MUTYH: variants seen among roughly 807,000 people sequenced by gnomAD.
MUTYH encodes the protein adenine DNA glycosylase.
Under a neutral mutation model 72.9 loss-of-function variants are expected in MUTYH, and 64 were observed. That is an observed-to-expected ratio of 0.88 (90% CI 0.72 to 1.08). The LOEUF (loss-of-function observed/expected upper bound fraction) is 1.08, where lower values mean the gene tolerates loss of function less well. MUTYH is among the 50% of genes least tolerant of loss of function. MUTYH has a pLI of 0.00. For missense variants in MUTYH, 633 were observed against 671.0 expected (o/e 0.94, Z 0.63); for synonymous variants, 234 against 263.1 (o/e 0.89, Z 1.07).
In MUTYH at chr1:45,331,328, G is replaced by A. The variant is rs1475410456; in HGVS notation, c.1246C>T (p.His416Tyr). Residue 416 changes from histidine to tyrosine, a missense_variant, in exon 14 of 16, where the codon CAC becomes TAC. By Grantham distance (83) the His-to-Tyr change is moderately conservative. Coordinates refer to ENST00000456914, the MANE Select transcript of MUTYH (RefSeq NM_001048174.2). ...GTCAGCTTGATGTGAGAGAAGGTGTGGACAACCTGGAGGAAGGGTCAAGGG... is the reference window on the plus strand; with the variant it reads ...GTCAGCTTGATGTGAGAGAAGGTGTAGACAACCTGGAGGAAGGGTCAAGGG... Reference protein sequence around the residue: ...THLRHLGEVVHTFSHIKLTYQ... With the variant: ...THLRHLGEVVYTFSHIKLTYQ... 3 of 1,614,064 alleles carry A rather than the reference G, an allele frequency of 1.9e-6. No individual in the cohort carries two copies. Among genetic ancestry groups the A allele is most frequent in the Non-Finnish European group, 2.5e-6 (3 of 1,180,038 alleles).
chr1:45,339,275 T>C (rs1039303868), intron 1 of MUTYH, among the ~76,000 whole-genome samples: 4 of 146,684 alleles, frequency 2.7e-5, no homozygotes, highest in Non-Finnish European at 4.5e-5. Flanking sequence ...CAAAATGGCG[T>C]GATCTCGGCT....
chr1:45,332,201 A>C lies in MUTYH; in HGVS notation c.814T>G (p.Cys272Gly). 2 of 1,614,172 alleles carry C rather than the reference A, an allele frequency of 1.2e-6. No homozygotes were observed. Among genetic ancestry groups the C allele is most frequent in the Non-Finnish European group, 1.7e-6 (2 of 1,180,016 alleles). ...CTPQRPLCSQ[C>G]PVESLCRARQ... ...GCCCGGCACAGGCTCTCCACAGGGC[A>C]CTGGCTGCACAGTGGGCGCTGTGGG... Residue 272 changes from cysteine to glycine, a missense_variant, in exon 10 of 16, where the codon TGC becomes GGC. By Grantham distance (159) the Cys-to-Gly change is radical. Transcript: ENST00000456914.
At chr1:45,334,088 C>G (rs1176262974) in intron 2 of MUTYH, 1 of 405,818 alleles carries the variant, frequency 2.5e-6, no homozygotes, top group African/African-American at 2.0e-5. Flanking sequence ...CTCAGTGCAA[C>G]TTCTGCCTTC....
Position 45,333,395 on chromosome 1 carries a change from T to C in MUTYH, c.264+18A>G. The C allele has an allele frequency of 6.2e-7, 1 of 1,614,176 alleles. No individual in the cohort carries two copies. Among genetic ancestry groups the C allele is most frequent in the Middle Eastern group, 1.6e-4 (1 of 6,062 alleles). On this transcript the variant is annotated intron_variant, in intron 3 of 15. Transcript: ENST00000456914. Reference sequence around the variant, plus strand: ...GTGCCTGCCTCCCACCCACTGTCCCTGCTCCTCGCCTGCCTACCCGTCTTC... The same window carrying C: ...GTGCCTGCCTCCCACCCACTGTCCCCGCTCCTCGCCTGCCTACCCGTCTTC...
chr1:45,338,259 A>C, intron 1 of MUTYH: 1 of 533,252 alleles, frequency 1.9e-6, no homozygotes, highest in Non-Finnish European at 3.6e-6. Flanking sequence ...ACAGCCTTGC[A>C]GGTCCAGTGA....
intron 2 of MUTYH, 21 bp downstream of exon 2, chr1:45,334,370 G>A: frequency 6.2e-7 from 1 of 1,613,646 alleles, no homozygotes; most frequent in Non-Finnish European, 8.5e-7. Context: ...ATGAGCCTTG[G>A]GCCACAACCT....
At chr1:45,333,262 C>G in intron 4 of MUTYH, 23 bp downstream of exon 4, 1 of 1,614,218 alleles carries the variant, frequency 6.2e-7, no homozygotes, top group Non-Finnish European at 8.5e-7. Context: ...CAAAGTGGCC[C>G]TGCTCTCAGG....
At chr1:45,339,835 G>A (rs1646687954) in intron 1 of MUTYH, 64 bp downstream of exon 1, 2 of 1,325,684 alleles carry the variant, frequency 1.5e-6, no homozygotes, top group Admixed American at 2.3e-5. Context: ...CGTGCTTTAA[G>A]CTCAGCTCAG....
upstream of MUTYH, chr1:45,340,269 A>G (rs562733690): frequency 1.2e-6 from 2 of 1,613,788 alleles, no homozygotes; most frequent in South Asian, 2.2e-5. Context: ...GCCGACAGTG[A>G]CGATGGCGCA....
At chr1:45,338,256 T>G (rs959042890) in intron 1 of MUTYH, 2 of 533,132 alleles carry the variant, frequency 3.8e-6, no homozygotes, top group African/African-American at 3.7e-5. Flanking sequence ...ACTACAGCCT[T>G]GCAGGTCCAG....
chr1:45,339,429 G>C (rs1646566353), intron 1 of MUTYH, among the ~76,000 whole-genome samples: 1 of 151,546 alleles, frequency 6.6e-6, no homozygotes, highest in Non-Finnish European at 1.5e-5. Context: ...GGCCAGGCTG[G>C]TTTTGAACTC....
At chr1:45,334,012 C>G in intron 2 of MUTYH, 1 of 373,974 alleles carries the variant, frequency 2.7e-6, no homozygotes, top group South Asian at 2.3e-5. Flanking sequence ...CTCAGTGAGT[C>G]TCTTTTGTTT....
Position 45,332,200 on chromosome 1 carries a change from C to G in MUTYH, c.815G>C (p.Cys272Ser). ...CTPQRPLCSQ[C>S]PVESLCRARQ... ...TGCCCGGCACAGGCTCTCCACAGGG[C>G]ACTGGCTGCACAGTGGGCGCTGTGG... The change falls in exon 10 of 16, where the codon TGC becomes TCC. Residue 272 changes from cysteine to serine, a missense_variant. Physicochemically the swap from Cys to Ser is moderately radical, Grantham distance 112. Transcript: ENST00000456914. 1 of 1,614,204 alleles carries G rather than the reference C, an allele frequency of 6.2e-7. No individual in the cohort carries two copies. Among genetic ancestry groups the G allele is most frequent in the Non-Finnish European group, 8.5e-7 (1 of 1,180,026 alleles).
rs1355939756 is a variant in MUTYH at position 45,331,707 on chromosome 1, A to AAG, written c.1055_1056insCT (p.Gly353LeufsTer28). 1 of 1,614,038 alleles carries AAG rather than the reference A, an allele frequency of 6.2e-7. No individual in the cohort carries two copies. Among genetic ancestry groups the AAG allele is most frequent in the Non-Finnish European group, 8.5e-7 (1 of 1,180,048 alleles). ...GCAGAATTTGGGCCCCAAGGGCCCC[A>AAG]GGCTGTTCCAGAACACAGGTGGCAG... On this transcript the variant is annotated frameshift_variant, in exon 12 of 16. Transcript: ENST00000456914. LOFTEE classifies it high-confidence loss of function.
chr1:45,340,008 G>A (rs1646757345), upstream of MUTYH: 2 of 1,539,430 alleles, frequency 1.3e-6, no homozygotes, highest in Admixed American at 2.0e-5. Context: ...CGGCTTTCCG[G>A]CGCACTCCAG....
In MUTYH at chr1:45,331,503, G is replaced by A. The variant is rs766420907; in HGVS notation, c.1156C>T (p.Gln386Ter). 25 of 1,614,158 alleles carry A rather than the reference G, an allele frequency of 1.5e-5. 2 individuals carry two copies. In the South Asian group the frequency reaches 2.3e-4, roughly 15 times the overall value. ...FPSVTWEPSE[Q>*]LQRKALLQEL... ...TGCAGCAGGGCCTTGCGCTGAAGCT[G>A]CTCTGAGGGCTCCCAGGTCACGGAC... is the stretch of plus-strand genomic sequence containing the variant. The change falls in exon 13 of 16, where the codon CAG (glutamine) becomes TAG (stop). Residue 386 changes from glutamine to a stop codon, truncating the protein, a stop_gained. Coordinates refer to ENST00000456914, the MANE Select transcript of MUTYH (RefSeq NM_001048174.2). LOFTEE classifies it high-confidence loss of function.
intron 2 of MUTYH, chr1:45,334,142 G>A (rs775096142): frequency 1.5e-5 from 7 of 462,370 alleles, no homozygotes; most frequent in Non-Finnish European, 2.4e-5. Flanking sequence ...GAGTAGCTGG[G>A]ACTACAGACG....
At chr1:45,337,170 G>A (rs1325706965) in intron 1 of MUTYH, among the ~76,000 whole-genome samples, 1 of 149,848 alleles carries the variant, frequency 6.7e-6, no homozygotes, top group Non-Finnish European at 1.5e-5. Context: ...TTGGGATGGG[G>A]TCTCACTCTG....
intron 1 of MUTYH, chr1:45,338,069 T>C: frequency 4.2e-6 from 2 of 480,672 alleles, no homozygotes; most frequent in Non-Finnish European, 4.2e-6. Flanking sequence ...GTGCCTGGTA[T>C]GTCTGTGGTA....
Sources: gnomAD v4.1 joint callset for allele counts (sites outside exome capture counted in the v4.1 genomes callset) on GRCh38, gnomAD v4.1.1 for gene constraint, MANE v1.5 for transcripts, NCBI Gene and HGNC (gene_info 2026-07-23, HGNC 2026-07-21) for gene names.